PLXNB3: variants seen among roughly 807,000 people sequenced by gnomAD.
The protein encoded by PLXNB3 is plexin B3.
PLXNB3 carries 80 observed loss-of-function variants against 125.7 expected under a neutral mutation model. The observed-to-expected ratio is 0.64, with a 90% CI of 0.53 to 0.77. The LOEUF (loss-of-function observed/expected upper bound fraction) is 0.77. PLXNB3 is among the 30% of genes least tolerant of loss of function. The pLI is 0.00. For missense variants in PLXNB3, 1,836 were observed against 1,729.3 expected (o/e 1.06, Z -1.09); for synonymous variants, 954 against 783.3 (o/e 1.22, Z -3.64).
At position 153,773,697 on chromosome X, in the gene PLXNB3, G is replaced by A; in HGVS notation, c.3263G>A (p.Gly1088Asp). The change falls in exon 19 of 36, where the codon GGT (glycine) becomes GAT (aspartate). Residue 1088 changes from glycine to aspartate, a missense_variant. Coordinates refer to ENST00000361971, the MANE Select transcript of PLXNB3 (RefSeq NM_005393.3). ...GACCCCCAGGCTTGTATCCAGCTCG[G>A]TGGGGGGCTGCTGCAGGTGAGCCCC... ...AADPQACIQL[G>D]GGLLQCSTVC... is the part of the protein sequence containing the mutation. 8.6e-7 allele frequency: 1 copy of A among 1,164,856 alleles called. No individual in the cohort carries two copies. The highest frequency in any genetic ancestry group is 1.1e-6 in the Non-Finnish European group (1 of 872,897).
intron 10 of PLXNB3, 25 bp from the exon 11 acceptor site, chrX:153,770,733 G>A (rs781810836): frequency 3.3e-6 from 4 of 1,202,796 alleles, no homozygotes; most frequent in East Asian, 5.9e-5. Context: ...GAGTTCTGAA[G>A]GGCTGAGGGC....
At position 153,771,100 on chromosome X, in the gene PLXNB3, A is replaced by G. The variant is rs782773294; in HGVS notation, c.2253+19A>G. 1.9e-5 allele frequency: 22 copies of G among 1,161,871 alleles called. No individual in the cohort carries two copies. The highest frequency in any genetic ancestry group is 2.5e-5 in the Non-Finnish European group (21 of 853,088). On this transcript the variant is annotated intron_variant, in intron 12 of 35. Transcript: ENST00000361971. ...CCACCAGGTGAGTGGCTGCCTTCCAAACCCTCTTGCCCCCAAGCTTCCGTA... is the reference window on the plus strand; with the variant it reads ...CCACCAGGTGAGTGGCTGCCTTCCAGACCCTCTTGCCCCCAAGCTTCCGTA...
In PLXNB3 at chrX:153,768,110, C is replaced by G. The variant is rs1275484964; in HGVS notation, c.1087-139C>G. The G allele has an allele frequency of 3.7e-6, 3 of 820,830 alleles. No individual in the cohort carries two copies. In the African/African-American group the frequency reaches 6.2e-5, roughly 17 times the overall value. The allele number at this position is 820,830 out of a possible 1,213,427, so 67.6% of individuals were successfully genotyped here. A position where few individuals can be genotyped will look rare whatever the true frequency, so the allele number is the denominator to read the frequency against. On this transcript the variant is annotated intron_variant, in intron 3 of 35. Transcript: ENST00000361971. ...GGATGCTATGAGCTTGCCAGGTGCCCTGGCCCTTCGGCCCTGATTGCTGGG... is the reference window on the plus strand; with the variant it reads ...GGATGCTATGAGCTTGCCAGGTGCCGTGGCCCTTCGGCCCTGATTGCTGGG...
At chrX:153,776,821 C>A in intron 28 of PLXNB3, 66 bp from the exon 29 acceptor site, 2 of 715,155 alleles carry the variant, frequency 2.8e-6, no homozygotes, top group Non-Finnish European at 2.0e-6. Context: ...CGAGGCAGGG[C>A]AGGATGTGGG....
chrX:153,767,622 C>T lies in PLXNB3; in HGVS notation c.795C>T (p.Arg265=), dbSNP rs782227518. 6.7e-5 allele frequency: 80 copies of T among 1,194,227 alleles called. No individual in the cohort carries two copies. The highest frequency in any genetic ancestry group is 1.7e-4 in the South Asian group (9 of 54,333). The stretch of plus-strand genomic sequence containing the variant: ...CTGAGTACCGCTCCTACGTGGCCCG[C>T]GTCTGCCTGGGGGACACCAACCTGT... ...AQAEYRSYVA[R]VCLGDTNLYS... Residue 265 remains arginine, a synonymous_variant, in exon 3 of 36, where the codon CGC becomes CGT. Transcript: ENST00000361971.
In PLXNB3 at chrX:153,776,700, CTGGGGCGGGGA is replaced by C. The variant is rs1425652224; in HGVS notation, c.4834-181_4834-171del. On this transcript the variant is annotated intron_variant, in intron 28 of 35. Coordinates refer to ENST00000361971, the MANE Select transcript of PLXNB3 (RefSeq NM_005393.3). Reference sequence around the variant, plus strand: ...TGGGGCGGGGCGAGGCAGGGCGGGGCTGGGGCGGGGATGGGGGGCGGGGCGGGGCGAGGCAA... The same window carrying C: ...TGGGGCGGGGCGAGGCAGGGCGGGGCTGGGGGGCGGGGCGGGGCGAGGCAA... 4.7e-4 allele frequency among the ~76,000 whole-genome samples: 5 copies of C among 10,690 alleles called. 1 individual carries two copies. Among genetic ancestry groups the C allele is most frequent in the East Asian group, 5.3e-3 (1 of 190 alleles). The allele number at this position is 10,690 out of a possible 115,157, so 9.3% of individuals were successfully genotyped here.
rs782327415 is a variant in PLXNB3, at chrX:153,768,371, C to T, written c.1209C>T (p.Leu403=). 2.1e-5 allele frequency: 25 copies of T among 1,209,726 alleles called. No homozygotes were observed. The highest frequency in any genetic ancestry group is 2.8e-5 in the Non-Finnish European group (25 of 894,711). ...AGCCGGTCAGCGCCGTGGCAGCTCT[C>T]CAGGCAGATGGGCACATGATAGCCT... The part of the protein sequence containing the change: ...LGQPVSAVAA[L]QADGHMIAFL... The change falls in exon 4 of 36, where the codon CTC becomes CTT. Residue 403 remains leucine (L), a synonymous_variant. Coordinates refer to ENST00000361971, the MANE Select transcript of PLXNB3 (RefSeq NM_005393.3).
Position 153,773,901 on chromosome X carries a change from T to C in PLXNB3, c.3322T>C (p.Cys1108Arg). Residue 1108 changes from cysteine to arginine, a missense_variant, in exon 20 of 36, where the codon TGC becomes CGC. Physicochemically the swap from Cys to Arg is radical, Grantham distance 180. Transcript: ENST00000361971. ...CSVNSSSLLLCRSPAVPDRAH... is the reference protein window; with the variant it reads ...CSVNSSSLLLRRSPAVPDRAH... ...CGTCAACTCGTCCAGCCTCCTCCTG[T>C]GCCGGAGCCCTGCTGTACCAGACAG... 5.8e-6 allele frequency: 7 copies of C among 1,211,273 alleles called. No individual in the cohort carries two copies. The highest frequency in any genetic ancestry group is 7.8e-6 in the Non-Finnish European group (7 of 895,429).
chrX:153,766,956 G>A lies in PLXNB3; in HGVS notation c.129G>A (p.Gly43=), dbSNP rs782037052. The change falls in exon 3 of 36, where the codon GGG becomes GGA. Residue 43 remains glycine, a synonymous_variant. Coordinates refer to ENST00000361971, the MANE Select transcript of PLXNB3 (RefSeq NM_005393.3). ...LLSPPPLPLT[G]AHRFSAPNTT... ...CCCCACCGCCACTGCCCTTGACAGG[G>A]GCCCATCGCTTCTCCGCACCTAATA... 1.2e-5 allele frequency: 14 copies of A among 1,209,048 alleles called. No homozygotes were observed. In the South Asian group the frequency reaches 2.1e-4, roughly 18 times the overall value.
Position 153,767,224 on chromosome X carries a change from G to A in PLXNB3, c.397G>A (p.Gly133Arg), listed in dbSNP as rs1215118708. Reference sequence around the variant, plus strand: ...CCGCGCCCAGGAGCTGGTGGCCTGCGGGCAGGTGCGGCAGGGCGTGTGTGA... The same window carrying A: ...CCGCGCCCAGGAGCTGGTGGCCTGCAGGCAGGTGCGGCAGGGCGTGTGTGA... ...SSRAQELVAC[G>R]QVRQGVCETR... is the part of the protein sequence containing the mutation. The change falls in exon 3 of 36, where the codon GGG (glycine) becomes AGG (arginine). Residue 133 changes from glycine to arginine, a missense_variant. Gly to Arg is a moderately radical substitution (Grantham distance 125). Transcript: ENST00000361971. The A allele has an allele frequency of 3.3e-6, 4 of 1,204,744 alleles. No individual in the cohort carries two copies. The highest frequency in any genetic ancestry group is 4.5e-6 in the Non-Finnish European group (4 of 892,168).
chrX:153,769,165 G>A lies in PLXNB3; in HGVS notation c.1399G>A (p.Asp467Asn), dbSNP rs782323500. Reference protein sequence around the residue: ...HLYVLTAHQVDRIPVAACPQF... With the variant: ...HLYVLTAHQVNRIPVAACPQF... Reference sequence around the variant, plus strand: ...CTCTGCTCTGCTGCCCCTCCAGGTGGACCGGATACCTGTGGCAGCCTGCCC... The same window carrying A: ...CTCTGCTCTGCTGCCCCTCCAGGTGAACCGGATACCTGTGGCAGCCTGCCC... The change falls in exon 6 of 36, where the codon GAC (aspartate) becomes AAC (asparagine). Residue 467 changes from aspartate (D) to asparagine (N), a missense_variant. By Grantham distance (23) the Asp-to-Asn change is conservative (BLOSUM62 1). Transcript: ENST00000361971. The A allele has an allele frequency of 2.0e-5, 24 of 1,190,778 alleles. No individual in the cohort carries two copies. Among genetic ancestry groups the A allele is most frequent in the Non-Finnish European group, 2.4e-5 (21 of 885,126 alleles).
Position 153,776,892 on chromosome X carries a change from A to C in PLXNB3, c.4839A>C (p.Pro1613=). 1 of 1,190,564 alleles carries C rather than the reference A, an allele frequency of 8.4e-7. No individual in the cohort carries two copies. The highest frequency in any genetic ancestry group is 3.0e-5 in the East Asian group (1 of 33,363). Residue 1613 remains proline (P), a synonymous_variant, in exon 29 of 36, where the codon CCA becomes CCC. Transcript: ENST00000361971. ...CCGCTCCCCATCTCTGCCAGGTCCCAGATGGAGCAACAGTGGGGCTCGTCC... is the reference window on the plus strand; with the variant it reads ...CCGCTCCCCATCTCTGCCAGGTCCCCGATGGAGCAACAGTGGGGCTCGTCC... ...RLNTLQHYKV[P]DGATVGLVPQ... is the part of the protein sequence containing the mutation.
In PLXNB3 at chrX:153,773,877, G is replaced by A. The variant is rs782775587; in HGVS notation, c.3298G>A (p.Val1100Ile). The A allele has an allele frequency of 1.7e-5, 20 of 1,210,002 alleles. No individual in the cohort carries two copies. The highest frequency in any genetic ancestry group is 6.9e-5 in the African/African-American group (4 of 57,560). The change falls in exon 20 of 36, where the codon GTC (valine) becomes ATC (isoleucine). Residue 1100 changes from valine to isoleucine, a missense_variant. Transcript: ENST00000361971. ...GLLQCSTVCS[V>I]NSSSLLLCRS... ...CCCACAGTGCTCCACCGTCTGCTCC[G>A]TCAACTCGTCCAGCCTCCTCCTGTG...
intron 28 of PLXNB3, among the ~76,000 whole-genome samples, chrX:153,776,673 GA>G (rs1413983372): frequency 1.4e-4 from 6 of 42,860 alleles, no homozygotes; most frequent in South Asian, 1.5e-3. Flanking sequence ...GCAGGGCGAG[GA>G]TGGGGCGGGG....
chrX:153,778,545 G>A, intron 34 of PLXNB3, 55 bp from the exon 35 acceptor site: 2 of 1,175,163 alleles, frequency 1.7e-6, no homozygotes, highest in Non-Finnish European at 1.2e-6. Flanking sequence ...GGGGAGACTT[G>A]GGGCTTGAGG....
At position 153,771,618 on chromosome X, in the gene PLXNB3, C is replaced by T; in HGVS notation, c.2480C>T (p.Ala827Val). 1 of 1,202,042 alleles carries T rather than the reference C, an allele frequency of 8.3e-7. No homozygotes were observed. Among genetic ancestry groups the T allele is most frequent in the Non-Finnish European group, 1.1e-6 (1 of 892,023 alleles). Residue 827 changes from alanine to valine, a missense_variant, in exon 14 of 36, where the codon GCT (alanine) becomes GTT (valine). Transcript: ENST00000361971. Reference sequence around the variant, plus strand: ...TATGGGCCCTTGTGCCCGCCGGGGGCTGTGGAGCTGCTGTGTCCTGCGCCC... The same window carrying T: ...TATGGGCCCTTGTGCCCGCCGGGGGTTGTGGAGCTGCTGTGTCCTGCGCCC... ...CRYGPLCPPG[A>V]VELLCPAPSI...
In PLXNB3 at chrX:153,778,896, G is replaced by A. The variant is rs1557065524; in HGVS notation, c.5626-39G>A. The A allele has an allele frequency of 5.4e-6, 6 of 1,120,509 alleles. No individual in the cohort carries two copies. The East Asian group carries it at 1.3e-4, about 24-fold the overall frequency. The allele number at this position is 1,120,509 out of a possible 1,213,427, so 92.3% of individuals were successfully genotyped here. The stretch of plus-strand genomic sequence containing the variant: ...GGGTGGCCCTGGGCCAGCAGGCAGA[G>A]GGGCAGGCTCAGACAGGCACCCTCC... On this transcript the variant is annotated intron_variant, in intron 35 of 35. Transcript: ENST00000361971.
intron 6 of PLXNB3, among the ~76,000 whole-genome samples, chrX:153,769,498 G>A (rs2091899344): frequency 8.9e-6 from 1 of 112,336 alleles, no homozygotes; most frequent in African/African-American, 3.2e-5. Context: ...CCCAGCCAGG[G>A]TCCAGAACCC....
At chrX:153,774,858 T>C in intron 23 of PLXNB3, 22 bp from the exon 24 acceptor site, 42 of 1,206,209 alleles carry the variant, frequency 3.5e-5, no homozygotes, top group Non-Finnish European at 4.6e-5. Flanking sequence ...AACTCACACC[T>C]CGGCGCCTCC....
Sources: gnomAD v4.1 joint callset for allele counts (sites outside exome capture counted in the v4.1 genomes callset) on GRCh38, gnomAD v4.1.1 for gene constraint, MANE v1.5 for transcripts, NCBI Gene and HGNC (gene_info 2026-07-23, HGNC 2026-07-21) for gene names.